Variants in CDH13 observed in about 807,000 individuals in gnomAD.
CDH13 encodes cadherin-13.
A neutral mutation model predicts 63.8 loss-of-function variants in CDH13; 24 were observed. That is an observed-to-expected ratio of 0.38 (90% CI 0.27 to 0.53). The LOEUF is 0.53. Ranked by LOEUF, CDH13 falls within the 20% of genes least tolerant of loss-of-function variation. CDH13 has a pLI of 0.85. For missense variants in CDH13, 1,049 were observed against 903.1 expected (o/e 1.16, Z -2.07); for synonymous variants, 503 against 355.3 (o/e 1.42, Z -4.67).
chr16:82,827,419 G>A (rs938102201), intron 1 of CDH13, among the ~76,000 whole-genome samples: 5 of 152,150 alleles, frequency 3.3e-5, no homozygotes, highest in Admixed American at 1.3e-4. Context: ...TGGAGCCAGA[G>A]GTTCTGAACA....
intron 7 of CDH13, among the ~76,000 whole-genome samples, chr16:83,573,360 A>G (rs1340240069): frequency 6.6e-6 from 1 of 152,174 alleles, no homozygotes; most frequent in Non-Finnish European, 1.5e-5. Flanking sequence ...TGGGTCAGGA[A>G]GCCAATGGGT....
chr16:83,200,638 T>C (rs908220062), intron 4 of CDH13, among the ~76,000 whole-genome samples: 1 of 152,202 alleles, frequency 6.6e-6, no homozygotes, highest in African/African-American at 2.4e-5. Flanking sequence ...AGGGTCGTTT[T>C]GGGGAATATT....
chr16:82,864,216 A>T (rs1026917447), intron 2 of CDH13, among the ~76,000 whole-genome samples: 1 of 152,142 alleles, frequency 6.6e-6, no homozygotes, highest in Non-Finnish European at 1.5e-5. Flanking sequence ...GTTTCTGAAG[A>T]GGCAGGGGTA....
intron 2 of CDH13, among the ~76,000 whole-genome samples, chr16:82,870,697 C>T (rs1437545251): frequency 6.6e-6 from 1 of 152,140 alleles, no homozygotes; most frequent in Non-Finnish European, 1.5e-5. Context: ...CTCAATTACT[C>T]TGATTTGATT....
chr16:83,031,899 A>G, intron 2 of CDH13, 111 bp from the exon 3 acceptor site: 1 of 833,216 alleles, frequency 1.2e-6, no homozygotes, highest in South Asian at 1.7e-5. Flanking sequence ...ACATTTGTGA[A>G]CTCTGGGTTG....
At chr16:83,202,709 G>C (rs1038596148) in intron 4 of CDH13, among the ~76,000 whole-genome samples, 5 of 152,208 alleles carry the variant, frequency 3.3e-5, no homozygotes, top group Non-Finnish European at 7.3e-5. Context: ...TTTCCAGCCA[G>C]AAAGTCTTCA....
At chr16:82,901,991 T>A (rs2041487418) in intron 2 of CDH13, among the ~76,000 whole-genome samples, 1 of 152,222 alleles carries the variant, frequency 6.6e-6, no homozygotes, top group Non-Finnish European at 1.5e-5. Context: ...TGAGATTTCT[T>A]TTAGTGACTT....
chr16:83,418,132 A>G (rs1208785668), intron 6 of CDH13, among the ~76,000 whole-genome samples: 1 of 152,174 alleles, frequency 6.6e-6, no homozygotes, highest in Non-Finnish European at 1.5e-5. Context: ...TTTGCTATTC[A>G]TTAGCTACAT....
At position 83,571,560 on chromosome 16, in the gene CDH13, G is replaced by A. The variant is rs549511031; in HGVS notation, c.961-30894G>A. Among the ~76,000 whole-genome samples the A allele has an allele frequency of 1.4e-4, 22 of 152,150 alleles. No homozygotes were observed. The South Asian group carries it at 2.1e-3, about 14-fold the overall frequency. ...CCCCGAGTTTGTACTCCCAGGTAAT[G>A]GTGACCATACACTTTTACCATACCA... On this transcript the variant is annotated intron_variant, in intron 7 of 13. Transcript: ENST00000567109.
chr16:83,798,068 A>G lies in CDH13; in HGVS notation c.*3038A>G, dbSNP rs1000803664. On this transcript the variant is annotated 3_prime_UTR_variant, in exon 14 of 14. Coordinates refer to ENST00000567109, the MANE Select transcript of CDH13 (RefSeq NM_001257.5). ...CAGCCAGATTTCATGGTAGGTATCA[A>G]ATAAGACTTTGGCTCTTAAAGAACA... The G allele has an allele frequency of 1.3e-5, 2 of 152,236 alleles. No individual in the cohort carries two copies. Among genetic ancestry groups the G allele is most frequent in the African/African-American group, 4.8e-5 (2 of 41,464 alleles). 9.4% of individuals were successfully genotyped at this position (152,236 alleles called of 1,614,324 possible). A position where few individuals can be genotyped will look rare whatever the true frequency, so the allele number is the denominator to read the frequency against.
chr16:83,314,399 A>C (rs557895968), intron 5 of CDH13, among the ~76,000 whole-genome samples: 50 of 152,336 alleles, frequency 3.3e-4, no homozygotes, highest in Admixed American at 8.5e-4. Context: ...TTAATAAGAC[A>C]AGCAGTTTTC....
intron 1 of CDH13, among the ~76,000 whole-genome samples, chr16:82,652,149 G>A (rs777087846): frequency 1.6e-4 from 24 of 152,240 alleles, no homozygotes; most frequent in Non-Finnish European, 3.4e-4. Context: ...TTTAGGTTCT[G>A]AAAAGAGGTC....
Position 83,173,652 on chromosome 16 carries a change from T to C in CDH13, c.484-43693T>C, listed in dbSNP as rs563110174. 2.9e-4 allele frequency among the ~76,000 whole-genome samples: 44 copies of C among 152,306 alleles called. No individual in the cohort carries two copies. The South Asian group carries it at 8.5e-3, about 30-fold the overall frequency. On this transcript the variant is annotated intron_variant, in intron 4 of 13. Coordinates refer to ENST00000567109, the MANE Select transcript of CDH13 (RefSeq NM_001257.5). ...AAATTCTAATTTTACTAGGGCGTTCTGTATTTTTATTTGCAAAATTTGGCA... is the reference window on the plus strand; with the variant it reads ...AAATTCTAATTTTACTAGGGCGTTCCGTATTTTTATTTGCAAAATTTGGCA...
At chr16:83,791,080 G>A (rs1365810497) in intron 13 of CDH13, among the ~76,000 whole-genome samples, 2 of 152,100 alleles carry the variant, frequency 1.3e-5, no homozygotes, top group Admixed American at 6.6e-5. Flanking sequence ...CACTTTGGGA[G>A]ACTGAGGTGG....
At chr16:83,441,112 A>G (rs1249771381) in intron 6 of CDH13, among the ~76,000 whole-genome samples, 3 of 152,338 alleles carry the variant, frequency 2.0e-5, no homozygotes, top group African/African-American at 7.2e-5. Context: ...TAAAAATGAA[A>G]TGTTTTGAAT....
chr16:83,042,752 T>C (rs1033083874), intron 3 of CDH13, among the ~76,000 whole-genome samples: 2 of 152,154 alleles, frequency 1.3e-5, no homozygotes, highest in African/African-American at 4.8e-5. Context: ...CTCTAAACCG[T>C]CTCACATTGA....
At chr16:83,587,302 G>C (rs548720842) in intron 7 of CDH13, among the ~76,000 whole-genome samples, 30 of 152,238 alleles carry the variant, frequency 2.0e-4, no homozygotes, top group African/African-American at 6.7e-4. Context: ...TGAAATTAGT[G>C]GGCAGGGACC....
At chr16:83,357,929 C>T (rs1222557327) in intron 6 of CDH13, among the ~76,000 whole-genome samples, 1 of 152,140 alleles carries the variant, frequency 6.6e-6, no homozygotes, top group African/African-American at 2.4e-5. Context: ...GAGATGTTGC[C>T]AGGCCCTCTG....
chr16:83,521,384 A>G (rs2074832691), intron 7 of CDH13, among the ~76,000 whole-genome samples: 1 of 152,200 alleles, frequency 6.6e-6, no homozygotes. Context: ...ATGGAAAAAA[A>G]ATTGTATTTT....
Sources: allele counts gnomAD v4.1 joint callset (sites outside exome capture counted in the v4.1 genomes callset), GRCh38; gene constraint gnomAD v4.1.1; transcripts MANE v1.5; gene names NCBI Gene and HGNC (gene_info 2026-07-23, HGNC 2026-07-21).